PTPRN2: variants seen among roughly 807,000 people sequenced by gnomAD.
PTPRN2 encodes the protein protein tyrosine phosphatase receptor type N2.
PTPRN2 carries 74 observed loss-of-function variants against 118.8 expected under a neutral mutation model. The ratio of observed to expected loss-of-function variants is 0.62; its 90% CI spans 0.52 to 0.76. The LOEUF (loss-of-function observed/expected upper bound fraction) is 0.76. PTPRN2 is among the 30% of genes least tolerant of loss of function. The pLI, the probability that PTPRN2 is intolerant of heterozygous loss-of-function variation, is 0.00. For synonymous variants in PTPRN2, 641 were observed against 608.0 expected, an observed-to-expected ratio of 1.05 and a Z score of -0.80; for missense variants, 1,481 against 1,394.4, an observed-to-expected ratio of 1.06 and a Z score of -0.99.
Position 157,970,642 on chromosome 7 carries a change from C to CCA in PTPRN2, c.1724-71906_1724-71905insTG, listed in dbSNP as rs995425610. 4.7e-5 allele frequency among the ~76,000 whole-genome samples: 7 copies of CCA among 150,366 alleles called. 1 individual carries two copies. The highest frequency in any genetic ancestry group is 2.0e-4 in the East Asian group (1 of 5,054). On this transcript the variant is annotated intron_variant, in intron 11 of 22. Coordinates refer to ENST00000389418, the MANE Select transcript of PTPRN2 (RefSeq NM_002847.5). ...ATTGTCACGCTCAGAGCGGACCCCC[C>CCA]CCCCCACAGGTTGCCCACCCCAGGG...
rs542036703 is a variant in PTPRN2, at chr7:157,569,402, C to T, written c.2838-436G>A. Among the ~76,000 whole-genome samples the T allele has an allele frequency of 7.2e-5, 11 of 152,356 alleles. No individual in the cohort carries two copies. The East Asian group carries it at 2.1e-3, about 29-fold the overall frequency. On this transcript the variant is annotated intron_variant, in intron 20 of 22. Coordinates refer to ENST00000389418, the MANE Select transcript of PTPRN2 (RefSeq NM_002847.5). ...GGGAGGGCGCTGGGCGGCTGGGCCC[C>T]GCTGGCTCATGCACGCAGGGACACT...
chr7:157,973,998 CA>C (rs1451191072), intron 11 of PTPRN2, among the ~76,000 whole-genome samples: 61 of 152,096 alleles, frequency 4.0e-4, no homozygotes, highest in Non-Finnish European at 1.0e-4. Flanking sequence ...GAGTGAATGC[CA>C]AATGATACAT....
In PTPRN2 at chr7:157,764,313, G is replaced by C. The variant is rs540392062; in HGVS notation, c.1789-81376C>G. Among the ~76,000 whole-genome samples the C allele has an allele frequency of 6.6e-6, 1 of 152,306 alleles. No homozygotes were observed. Among genetic ancestry groups the C allele is most frequent in the East Asian group, 1.9e-4 (1 of 5,180 alleles). ...TAGCAGCAGCGCTCACAGAAGCCAA[G>C]AGGTGAGGCCACCCAAGCGTCCACC... On this transcript the variant is annotated intron_variant, in intron 12 of 22. Transcript: ENST00000389418. The surrounding 1 kb of genome is among the most constrained non-coding windows in gnomAD (Gnocchi z 4.5).
intron 3 of PTPRN2, among the ~76,000 whole-genome samples, chr7:158,264,896 G>T (rs569377392): frequency 1.3e-5 from 2 of 152,172 alleles, no homozygotes; most frequent in South Asian, 4.2e-4. Flanking sequence ...ATGGAGTTTT[G>T]GGGTCCTCCT....
intron 4 of PTPRN2, among the ~76,000 whole-genome samples, chr7:158,193,647 T>TCCCTAGGGATGGGCATGGCCC (rs1554577920): frequency 6.6e-6 from 1 of 151,930 alleles, no homozygotes; most frequent in Admixed American, 6.6e-5. Context: ...GGGCATGGCC[T>TCCCTAGGGATGGGCATGGCCC]CCCTAGGGAT....
At chr7:158,079,311 T>C (rs937962872) in intron 11 of PTPRN2, among the ~76,000 whole-genome samples, 2 of 152,208 alleles carry the variant, frequency 1.3e-5, no homozygotes, top group African/African-American at 4.8e-5. Flanking sequence ...TGGTGCAAGT[T>C]AGCAAATTCA....
At chr7:158,395,312 T>C (rs71544588) in intron 2 of PTPRN2, among the ~76,000 whole-genome samples, 1,059 of 33,402 alleles carry the variant, frequency 0.032, no homozygotes, top group Middle Eastern at 0.071. Context: ...GGGCGAGGGG[T>C]GAGGGGCGAG....
At position 158,455,707 on chromosome 7, in the gene PTPRN2, C is replaced by T. The variant is rs76965482; in HGVS notation, c.163+34028G>A. Among the ~76,000 whole-genome samples the T allele has an allele frequency of 3.6e-3, 498 of 139,578 alleles. 13 individuals are homozygous for T. The highest frequency in any genetic ancestry group is 0.012 in the African/African-American group (443 of 35,592). 91.6% of individuals were successfully genotyped at this position (139,578 alleles called of 152,430 possible). ...ACCCATCGCTCTGCAGAGAAGACAA[C>T]GGCATGGACGCCATCGGCCATGGCC... is the stretch of plus-strand genomic sequence containing the variant. On this transcript the variant is annotated intron_variant, in intron 2 of 22. Coordinates refer to ENST00000389418, the MANE Select transcript of PTPRN2 (RefSeq NM_002847.5).
At position 157,787,766 on chromosome 7, in the gene PTPRN2, G is replaced by C. The variant is rs2151068092; in HGVS notation, c.1789-104829C>G. 6.6e-6 allele frequency among the ~76,000 whole-genome samples: 1 copy of C among 152,262 alleles called. No individual in the cohort carries two copies. Among genetic ancestry groups the C allele is most frequent in the South Asian group, 2.1e-4 (1 of 4,826 alleles). On this transcript the variant is annotated intron_variant, in intron 12 of 22. Coordinates refer to ENST00000389418, the MANE Select transcript of PTPRN2 (RefSeq NM_002847.5). The surrounding 1 kb of genome is among the most constrained non-coding windows in gnomAD (Gnocchi z 5.3). The stretch of plus-strand genomic sequence containing the variant: ...TGAGCCCAGCCCCATCTTTCCCTCG[G>C]ACTTCATTTGTGCTCATGGCTGGGG...
At chr7:157,668,780 G>A (rs917246096) in intron 13 of PTPRN2, among the ~76,000 whole-genome samples, 1 of 152,210 alleles carries the variant, frequency 6.6e-6, no homozygotes, top group Admixed American at 6.5e-5. Flanking sequence ...GTGACGACAG[G>A]AAATCTAAAC....
intron 11 of PTPRN2, among the ~76,000 whole-genome samples, chr7:157,942,496 G>C (rs1003818832): frequency 6.6e-6 from 1 of 152,090 alleles, no homozygotes; most frequent in African/African-American, 2.4e-5. Flanking sequence ...TGCTGCTGGG[G>C]TAATACTCTT....
At chr7:158,277,387 A>G (rs1365768123) in intron 3 of PTPRN2, among the ~76,000 whole-genome samples, 3 of 152,214 alleles carry the variant, frequency 2.0e-5, no homozygotes, top group Non-Finnish European at 4.4e-5. Context: ...AATGTGCTCC[A>G]GACGGAGGAG....
At chr7:158,169,437 T>TGTGTGA (rs1365187090) in intron 5 of PTPRN2, among the ~76,000 whole-genome samples, 1 of 151,402 alleles carries the variant, frequency 6.6e-6, no homozygotes, top group Non-Finnish European at 1.5e-5. Flanking sequence ...TGTGTGTGTG[T>TGTGTGA]GTGTGTGTGT....
chr7:157,649,407 C>T (rs7789330), intron 14 of PTPRN2, among the ~76,000 whole-genome samples: 12,557 of 80,114 alleles, frequency 0.16, 1,021 homozygotes, highest in Middle Eastern at 0.23. Flanking sequence ...GCACTGAACT[C>T]GGTGGGTCAG....
chr7:157,668,710 G>C (rs968695348), intron 13 of PTPRN2, among the ~76,000 whole-genome samples: 1 of 152,176 alleles, frequency 6.6e-6, no homozygotes, highest in Non-Finnish European at 1.5e-5. Context: ...TGGCTCGAAT[G>C]TAAAACGGTT....
chr7:157,759,139 C>G (rs539529866), intron 12 of PTPRN2, among the ~76,000 whole-genome samples: 1 of 152,376 alleles, frequency 6.6e-6, no homozygotes, highest in South Asian at 2.1e-4. Context: ...GTTCGAGTCC[C>G]TGGATCTGCC....
intron 21 of PTPRN2, among the ~76,000 whole-genome samples, chr7:157,554,612 G>C (rs1798789649): frequency 6.6e-6 from 1 of 152,226 alleles, no homozygotes; most frequent in African/African-American, 2.4e-5. Context: ...TTGCTGACAA[G>C]GTGAAGGAGC....
chr7:158,423,519 A>G (rs112942777), intron 2 of PTPRN2, among the ~76,000 whole-genome samples: 3,458 of 149,164 alleles, frequency 0.023, 129 homozygotes, highest in African/African-American at 0.08. Context: ...GGTCTCAGAG[A>G]TTAGCCCCTC....
At chr7:158,284,714 C>T (rs970886884) in intron 3 of PTPRN2, among the ~76,000 whole-genome samples, 3 of 152,194 alleles carry the variant, frequency 2.0e-5, no homozygotes, top group Non-Finnish European at 4.4e-5. Flanking sequence ...CCACACCTCC[C>T]GCAGGAAGGC....
Sources: gnomAD v4.1 joint callset for allele counts (sites outside exome capture counted in the v4.1 genomes callset) on GRCh38, gnomAD v4.1.1 for gene constraint, Gnocchi (gnomAD v3.1) non-coding constraint, MANE v1.5 for transcripts, NCBI Gene and HGNC (gene_info 2026-07-23, HGNC 2026-07-21) for gene names.